The following PCED1B variants were observed in gnomAD, a reference collection of about 807,000 sequenced individuals.
PCED1B encodes PC-esterase domain containing 1B.
For missense variants in PCED1B, 573 were observed against 573.9 expected (o/e 1.00, Z 0.02); for synonymous variants, 251 against 246.1 (o/e 1.02, Z -0.19).
intron 3 of PCED1B, among the ~76,000 whole-genome samples, chr12:47,220,251 A>T (rs1387133788): frequency 6.6e-6 from 1 of 152,072 alleles, no homozygotes; most frequent in Non-Finnish European, 1.5e-5. Flanking sequence ...GGCTCACTGC[A>T]ACCTCTGCCT....
intron 2 of PCED1B, among the ~76,000 whole-genome samples, chr12:47,111,470 A>G (rs1435794101): frequency 6.6e-6 from 1 of 152,130 alleles, no homozygotes; most frequent in East Asian, 1.9e-4. Context: ...TCTCAAATTT[A>G]CAGTTAGGGG....
intron 1 of PCED1B, among the ~76,000 whole-genome samples, chr12:47,093,843 T>C (rs1290918043): frequency 6.6e-6 from 1 of 152,106 alleles, no homozygotes; most frequent in Non-Finnish European, 1.5e-5. Context: ...TGTTATGATA[T>C]ATTGATTGTA....
Position 47,235,449 on chromosome 12 carries a change from C to G in PCED1B, c.386C>G (p.Ser129Cys), listed in dbSNP as rs1943947632. The G allele has an allele frequency of 1.2e-6, 2 of 1,614,170 alleles. No homozygotes were observed. The highest frequency in any genetic ancestry group is 1.7e-6 in the Non-Finnish European group (2 of 1,180,028). Residue 129 changes from serine to cysteine, a missense_variant, in exon 4 of 4, where the codon TCC (serine) becomes TGC (cysteine). Ser to Cys is a moderately radical substitution (Grantham distance 112, BLOSUM62 -1). Transcript: ENST00000546455. ...VIMNSCLWDISRYGPNSWRSY... is the reference protein window; with the variant it reads ...VIMNSCLWDICRYGPNSWRSY... ...ATGAATTCCTGCCTCTGGGACATCT[C>G]CAGGTATGGTCCGAACTCCTGGAGA...
intron 1 of PCED1B, among the ~76,000 whole-genome samples, chr12:47,088,160 A>G (rs1056025117): frequency 1.3e-5 from 2 of 152,232 alleles, no homozygotes; most frequent in African/African-American, 4.8e-5. Context: ...TAAAGCTGTA[A>G]AAGAGTACTT....
intron 2 of PCED1B, among the ~76,000 whole-genome samples, chr12:47,118,910 C>T (rs556049877): frequency 3.3e-4 from 50 of 152,198 alleles, no homozygotes; most frequent in African/African-American, 8.9e-4. Context: ...CCTTCACATC[C>T]CTTGTAAGTT....
intron 2 of PCED1B, among the ~76,000 whole-genome samples, chr12:47,124,919 T>C (rs564718920): frequency 6.6e-6 from 1 of 152,132 alleles, no homozygotes; most frequent in East Asian, 1.9e-4. Flanking sequence ...ATACAGGTTC[T>C]TAACAGGTAA....
chr12:47,234,729 G>A (rs1171893370), intron 3 of PCED1B, among the ~76,000 whole-genome samples: 1 of 152,168 alleles, frequency 6.6e-6, no homozygotes, highest in African/African-American at 2.4e-5. Flanking sequence ...TCCCCACCAG[G>A]TGGAACCTGA....
chr12:47,198,366 A>T (rs982465070), intron 2 of PCED1B, among the ~76,000 whole-genome samples: 1 of 152,176 alleles, frequency 6.6e-6, no homozygotes, highest in Non-Finnish European at 1.5e-5. Flanking sequence ...TTAGAGAAAA[A>T]TCTCTCAACA....
Position 47,235,082 on chromosome 12 carries a change from T to A in PCED1B, c.19T>A (p.Ser7Thr), listed in dbSNP as rs1476109425. 1 of 1,528,150 alleles carries A rather than the reference T, an allele frequency of 6.5e-7. No homozygotes were observed. The highest frequency in any genetic ancestry group is 8.8e-7 in the Non-Finnish European group (1 of 1,139,602). 94.7% of individuals were successfully genotyped at this position (1,528,150 alleles called of 1,614,324 possible). Residue 7 changes from serine (S) to threonine (T), a missense_variant, in exon 4 of 4, where the codon TCC (serine) becomes ACC (threonine). Physicochemically the swap from Ser to Thr is moderately conservative, Grantham distance 58 (BLOSUM62 1). Coordinates refer to ENST00000546455, the MANE Select transcript of PCED1B (RefSeq NM_138371.3). MILLRA[S>T]EVRQLLHNKF... is the part of the protein sequence containing the mutation. ...GGGCGTCATGATCCTTCTGCGGGCC[T>A]CCGAAGTGCGGCAGCTGCTTCACAA...
rs1368230149 is a variant in PCED1B, at chr12:47,134,434, CAA to C, written c.-526+30241_-526+30242del. On this transcript the variant is annotated intron_variant, in intron 2 of 3. Transcript: ENST00000546455. ...ATCCCTTATTAATATTTAAAACAAA[CAA>C]ACACAAAATACATGTATCTGGCTAG... 2.0e-5 allele frequency among the ~76,000 whole-genome samples: 3 copies of C among 152,018 alleles called. No homozygotes were observed. In the East Asian group the frequency reaches 5.8e-4, roughly 29 times the overall value.
intron 2 of PCED1B, among the ~76,000 whole-genome samples, chr12:47,115,980 C>G (rs1429819604): frequency 6.6e-6 from 1 of 152,104 alleles, no homozygotes; most frequent in Non-Finnish European, 1.5e-5. Context: ...CACTAGAAAT[C>G]TATGCTAGTT....
At chr12:47,216,991 G>A (rs1943278947) in intron 3 of PCED1B, among the ~76,000 whole-genome samples, 1 of 152,172 alleles carries the variant, frequency 6.6e-6, no homozygotes, top group African/African-American at 2.4e-5. Context: ...TGTTGTGGTT[G>A]ACCACAAAGG....
intron 2 of PCED1B, among the ~76,000 whole-genome samples, chr12:47,139,728 T>C (rs1236936308): frequency 6.6e-6 from 1 of 152,134 alleles, no homozygotes; most frequent in East Asian, 1.9e-4. Context: ...TGTATATGTG[T>C]GCTGTATGGT....
chr12:47,145,243 A>G (rs1940741109), intron 2 of PCED1B, among the ~76,000 whole-genome samples: 1 of 152,216 alleles, frequency 6.6e-6, no homozygotes, highest in Non-Finnish European at 1.5e-5. Flanking sequence ...GAAGACTGAA[A>G]AAGGTGAGGA....
chr12:47,192,908 T>C (rs1942489731), intron 2 of PCED1B, among the ~76,000 whole-genome samples: 1 of 152,212 alleles, frequency 6.6e-6, no homozygotes, highest in Non-Finnish European at 1.5e-5. Context: ...TTGGTGAAAC[T>C]ATTCATTCAA....
rs1191011179 is a variant in PCED1B at position 47,236,642 on chromosome 12, A to G, written c.*280A>G. On this transcript the variant is annotated 3_prime_UTR_variant, in exon 4 of 4. Transcript: ENST00000546455. ...GCCTTTGTGTAAAAATAAAATGGAA[A>G]TAAACAAGTTGCACAGAAGTAGTTG... 2 of 352,072 alleles carry G rather than the reference A, an allele frequency of 5.7e-6. No homozygotes were observed. The highest frequency in any genetic ancestry group is 4.9e-5 in the East Asian group (1 of 20,544). The allele number at this position is 352,072 out of a possible 1,614,324, so 21.8% of individuals were successfully genotyped here. A position where few individuals can be genotyped will look rare whatever the true frequency, so the allele number is the denominator to read the frequency against.
intron 1 of PCED1B, among the ~76,000 whole-genome samples, chr12:47,089,461 C>CATATATATATATATATATAT (rs1217283440): frequency 7.1e-4 from 45 of 63,366 alleles, no homozygotes; most frequent in African/African-American, 1.3e-3. Context: ...AAAAAAAATA[C>CATATATATATATATATATAT]ATATATATAT....
At chr12:47,135,288 ATTT>A (rs918810750) in intron 2 of PCED1B, among the ~76,000 whole-genome samples, 2 of 152,178 alleles carry the variant, frequency 1.3e-5, no homozygotes, top group African/African-American at 2.4e-5. Flanking sequence ...AAGAAAGTTA[ATTT>A]TTTTATTTTT....
intron 2 of PCED1B, among the ~76,000 whole-genome samples, chr12:47,145,206 C>A (rs575290414): frequency 1.3e-5 from 2 of 152,154 alleles, no homozygotes; most frequent in Non-Finnish European, 2.9e-5. Flanking sequence ...TAATCCAGAA[C>A]AAGACCCTAA....
Sources: allele counts gnomAD v4.1 joint callset (sites outside exome capture counted in the v4.1 genomes callset), GRCh38; gene constraint gnomAD v4.1.1; transcripts MANE v1.5; gene names NCBI Gene and HGNC (gene_info 2026-07-23, HGNC 2026-07-21).